The following MTF2 variants were observed in gnomAD, a reference collection of about 807,000 sequenced individuals.
MTF2 encodes the protein metal-response element-binding transcription factor 2.
A neutral mutation model predicts 79.5 loss-of-function variants in MTF2; 11 were observed. The observed-to-expected ratio is 0.14, with a 90% confidence interval of 0.09 to 0.23. MTF2 has a LOEUF of 0.23. Among genes scored for constraint, MTF2 ranks in the 10% least tolerant of loss-of-function variants. The pLI, the probability that MTF2 is intolerant of heterozygous loss-of-function variation, is 1.00. For missense variants in MTF2, 486 were observed against 711.2 expected (o/e 0.68, Z 3.60); for synonymous variants, 208 against 232.8 (o/e 0.89, Z 0.97).
chr1:93,115,092 T>A lies in MTF2; in HGVS notation c.483+4T>A. The A allele has an allele frequency of 6.3e-7, 1 of 1,582,334 alleles. No homozygotes were observed. The highest frequency in any genetic ancestry group is 8.7e-7 in the Non-Finnish European group (1 of 1,152,706). On this transcript the variant is annotated splice_donor_region_variant and intron_variant, in intron 5 of 14. Coordinates refer to ENST00000370298, the MANE Select transcript of MTF2 (RefSeq NM_007358.4). ...TGTTTTTGCAACAACAACAAAGGTA[T>A]ATTTTAAGTGTTTTGGGCTAAAGCT...
rs1656340653 is a variant in MTF2, at chr1:93,118,430, T to C, written c.718T>C (p.Phe240Leu). ...GCAATGCCTTCAAAAGCCAATGCTA[T>C]TTGGAGACAGGTGAGAAGGGCATTT... Reference protein sequence around the residue: ...CVQCLQKPMLFGDRFYTFICS... With the variant: ...CVQCLQKPMLLGDRFYTFICS... Residue 240 changes from phenylalanine to leucine, a missense_variant, in exon 7 of 15, where the codon TTT becomes CTT. Phe to Leu is a conservative substitution (Grantham distance 22, BLOSUM62 0). Around this residue, in one of 4 missense-constraint regions of MTF2, gnomAD observed 177 missense variants for 364.0 expected, o/e 0.49. Coordinates refer to ENST00000370298, the MANE Select transcript of MTF2 (RefSeq NM_007358.4). The C allele has an allele frequency of 6.3e-7, 1 of 1,596,874 alleles. No homozygotes were observed. Among genetic ancestry groups the C allele is most frequent in the Non-Finnish European group, 8.5e-7 (1 of 1,171,000 alleles).
chr1:93,084,920 CAAAGT>C (rs2101014481), intron 1 of MTF2, among the ~76,000 whole-genome samples: 1 of 152,186 alleles, frequency 6.6e-6, no homozygotes, highest in East Asian at 1.9e-4. Flanking sequence ...CATATAGAAA[CAAAGT>C]AAACCATTTT....
intron 11 of MTF2, among the ~76,000 whole-genome samples, chr1:93,131,803 A>G (rs1656928237): frequency 6.6e-6 from 1 of 152,220 alleles, no homozygotes; most frequent in African/African-American, 2.4e-5. Context: ...GAAGGGATGT[A>G]GAGCCTGAAT....
intron 1 of MTF2, 31 bp downstream of exon 1, chr1:93,079,562 T>G (rs1654505921): frequency 1.9e-6 from 3 of 1,611,280 alleles, no homozygotes. Flanking sequence ...AACCGACTCT[T>G]CCGGAGGAGA....
intron 1 of MTF2, among the ~76,000 whole-genome samples, chr1:93,101,618 C>T (rs1048298004): frequency 8.8e-6 from 1 of 113,886 alleles, no homozygotes; most frequent in Non-Finnish European, 1.7e-5. Context: ...CTCCCTGTTA[C>T]CCAGGCTGGA....
At chr1:93,120,825 T>C (rs1298233981) in intron 9 of MTF2, 153 bp downstream of exon 9, 21 of 1,375,772 alleles carry the variant, frequency 1.5e-5, no homozygotes. Flanking sequence ...GGTATGGATA[T>C]CAGGACCAGC....
chr1:93,079,385 C>A lies in MTF2; in HGVS notation c.-142C>A. Reference sequence around the variant, plus strand: ...TACCCCCAACCCTTGTCTCCAAGGACCTCGGTTTGTGCGTGCATATGTGCC... The same window carrying A: ...TACCCCCAACCCTTGTCTCCAAGGAACTCGGTTTGTGCGTGCATATGTGCC... On this transcript the variant is annotated 5_prime_UTR_variant, in exon 1 of 15. Coordinates refer to ENST00000370298, the MANE Select transcript of MTF2 (RefSeq NM_007358.4). 1 of 1,012,812 alleles carries A rather than the reference C, an allele frequency of 9.9e-7. No homozygotes were observed. Among genetic ancestry groups the A allele is most frequent in the Non-Finnish European group, 1.5e-6 (1 of 649,976 alleles). 62.7% of individuals were successfully genotyped at this position (1,012,812 alleles called of 1,614,324 possible). A position where few individuals can be genotyped will look rare whatever the true frequency, so the allele number is the denominator to read the frequency against.
At chr1:93,080,944 C>G (rs1654578466) in intron 1 of MTF2, 1 of 152,058 alleles carries the variant, frequency 6.6e-6, no homozygotes, top group Non-Finnish European at 1.5e-5. Context: ...AGAGGGAATA[C>G]AAAATGACTT....
intron 7 of MTF2, among the ~76,000 whole-genome samples, chr1:93,118,697 G>A (rs1656350270): frequency 6.6e-6 from 1 of 152,036 alleles, no homozygotes; most frequent in Non-Finnish European, 1.5e-5. Context: ...ATTCTCATTG[G>A]TACCTTCCTT....
At chr1:93,120,497 T>A in intron 8 of MTF2, 52 bp from the exon 9 acceptor site, 1 of 1,501,404 alleles carries the variant, frequency 6.7e-7, no homozygotes. Context: ...CGTGATTTTT[T>A]AACAGTAACC....
At chr1:93,123,635 A>G (rs1409853522) in intron 9 of MTF2, among the ~76,000 whole-genome samples, 1 of 152,034 alleles carries the variant, frequency 6.6e-6, no homozygotes, top group Non-Finnish European at 1.5e-5. Context: ...AATTTTACAT[A>G]TGATGAGGCT....
intron 1 of MTF2, among the ~76,000 whole-genome samples, chr1:93,104,913 T>G (rs1436693039): frequency 1.3e-5 from 2 of 151,814 alleles, no homozygotes; most frequent in Non-Finnish European, 2.9e-5. Flanking sequence ...TCCCAGCACT[T>G]TGGGAGGCCG....
chr1:93,123,216 T>TC (rs1334630880), intron 9 of MTF2, among the ~76,000 whole-genome samples: 1 of 149,872 alleles, frequency 6.7e-6, no homozygotes, highest in African/African-American at 2.4e-5. Flanking sequence ...CTTTCTTTTT[T>TC]TTTTTTTTTT....
At chr1:93,111,546 T>G (rs750969089) in intron 3 of MTF2, among the ~76,000 whole-genome samples, 1 of 152,156 alleles carries the variant, frequency 6.6e-6, no homozygotes, top group African/African-American at 2.4e-5. Context: ...TAAAAAAAGT[T>G]TTGGTAAAGG....
At chr1:93,087,571 CA>C (rs5776168) in intron 1 of MTF2, among the ~76,000 whole-genome samples, 40 of 135,462 alleles carry the variant, frequency 3.0e-4, no homozygotes, top group African/African-American at 6.0e-4. Context: ...GACTCTGTCT[CA>C]AAAAAAAAAA....
chr1:93,110,857 T>G (rs1656001552), intron 3 of MTF2, among the ~76,000 whole-genome samples: 1 of 152,202 alleles, frequency 6.6e-6, no homozygotes, highest in African/African-American at 2.4e-5. Context: ...GTTAAGACCC[T>G]TCTAAGAACT....
In MTF2 at chr1:93,137,061, G is replaced by T; in HGVS notation, c.*34G>T. The T allele has an allele frequency of 1.3e-6, 2 of 1,555,616 alleles. No homozygotes were observed. The highest frequency in any genetic ancestry group is 8.8e-7 in the Non-Finnish European group (1 of 1,133,162). On this transcript the variant is annotated 3_prime_UTR_variant, in exon 15 of 15. Transcript: ENST00000370298. ...CTGAACATTATGTTCACTGCACTCTGATTTTCTGTAGGTACAGTTCAAAGC... is the reference window on the plus strand; with the variant it reads ...CTGAACATTATGTTCACTGCACTCTTATTTTCTGTAGGTACAGTTCAAAGC...
At chr1:93,080,672 T>A (rs921556827) in intron 1 of MTF2, among the ~76,000 whole-genome samples, 1 of 152,170 alleles carries the variant, frequency 6.6e-6, no homozygotes, top group South Asian at 2.1e-4. Context: ...AGTAGTTACT[T>A]TCTCCTTCAG....
At chr1:93,094,115 A>G (rs1166626427) in intron 1 of MTF2, among the ~76,000 whole-genome samples, 1 of 152,140 alleles carries the variant, frequency 6.6e-6, no homozygotes, top group Non-Finnish European at 1.5e-5. Flanking sequence ...TTTGCTGGAC[A>G]CTTGTGGCCT....
Sources: gnomAD v4.1 joint callset for allele counts (sites outside exome capture counted in the v4.1 genomes callset) on GRCh38, gnomAD v4.1.1 for gene constraint, gnomAD v4.1.1 regional missense constraint, MANE v1.5 for transcripts, NCBI Gene and HGNC (gene_info 2026-07-23, HGNC 2026-07-21) for gene names.